NTN1: variants seen among roughly 807,000 people sequenced by gnomAD.
NTN1 encodes netrin-1.
In NTN1, 11 loss-of-function variants were observed where a neutral mutation model predicts 54.2. The observed-to-expected ratio is 0.20, with a 90% CI of 0.13 to 0.34. The LOEUF (loss-of-function observed/expected upper bound fraction) is 0.34, where lower values mean the gene tolerates loss of function less well. Among genes scored for constraint, NTN1 ranks in the 10% least tolerant of loss-of-function variants. The probability of loss-of-function intolerance (pLI) is 1.00; values close to 1 mark genes in which losing one functional copy is unlikely to be tolerated. For synonymous variants in NTN1, 371 were observed against 382.0 expected, an observed-to-expected ratio of 0.97 and a Z score of 0.33; for missense variants, 740 against 893.1, an observed-to-expected ratio of 0.83 and a Z score of 2.18.
At chr17:9,037,191 T>C (rs190218938) in intron 2 of NTN1, among the ~76,000 whole-genome samples, 8 of 152,362 alleles carry the variant, frequency 5.3e-5, no homozygotes, top group African/African-American at 9.6e-5. Context: ...TTTTGAACTT[T>C]ATGTAATTGA....
At chr17:9,119,126 T>C (rs1196819566) in intron 2 of NTN1, among the ~76,000 whole-genome samples, 1 of 152,216 alleles carries the variant, frequency 6.6e-6, no homozygotes, top group African/African-American at 2.4e-5. Flanking sequence ...GGGTTCTGGT[T>C]TCTCCACATC....
chr17:9,119,337 A>G (rs1292910229), intron 2 of NTN1, among the ~76,000 whole-genome samples: 1 of 151,854 alleles, frequency 6.6e-6, no homozygotes, highest in Non-Finnish European at 1.5e-5. Context: ...ACAGGCACAC[A>G]CCACCACTCC....
chr17:9,013,611 C>T, the NTN1 span, among the ~76,000 whole-genome samples: 3 of 152,192 alleles, frequency 2.0e-5, no homozygotes, highest in Admixed American at 6.5e-5. Context: ...AACCTGTTCC[C>T]TGGCCCATTC....
intron 2 of NTN1, among the ~76,000 whole-genome samples, chr17:9,139,896 C>T (rs564298361): frequency 6.6e-6 from 1 of 150,798 alleles, no homozygotes; most frequent in Non-Finnish European, 1.5e-5. Context: ...TTCATTCATC[C>T]ATTCATCCAT....
chr17:9,160,205 GA>G (rs1260216021), intron 2 of NTN1, among the ~76,000 whole-genome samples: 1 of 152,166 alleles, frequency 6.6e-6, no homozygotes, highest in African/African-American at 2.4e-5. Flanking sequence ...CCAGGTTCAA[GA>G]GATTCTCCTG....
At chr17:9,052,510 C>T (rs1011969756) in intron 2 of NTN1, among the ~76,000 whole-genome samples, 1 of 152,120 alleles carries the variant, frequency 6.6e-6, no homozygotes, top group East Asian at 1.9e-4. Context: ...CACACTTGCA[C>T]ATATATATGA....
In NTN1 at chr17:9,123,291, G is replaced by T. The variant is rs59586828; in HGVS notation, c.1019-39522G>T. ...TTGTCTTTGATAATTAACAAGACAG[G>T]TTGAACATTTTTCACAAGTTTATAT... On this transcript the variant is annotated intron_variant, in intron 2 of 6. Transcript: ENST00000173229. Among the ~76,000 whole-genome samples, 150 of 152,286 alleles carry T rather than the reference G, an allele frequency of 9.8e-4. 4 individuals carry two copies. The highest frequency in any genetic ancestry group is 3.5e-3 in the African/African-American group (146 of 41,568).
intron 2 of NTN1, among the ~76,000 whole-genome samples, chr17:9,072,861 A>G (rs894354684): frequency 5.9e-5 from 9 of 152,170 alleles, no homozygotes; most frequent in African/African-American, 1.9e-4. Flanking sequence ...GGAACCAGCA[A>G]AGCAGCTGCT....
intron 2 of NTN1, among the ~76,000 whole-genome samples, chr17:9,026,574 T>C (rs1437330607): frequency 6.6e-6 from 1 of 152,144 alleles, no homozygotes; most frequent in Non-Finnish European, 1.5e-5. Context: ...TACCCATGCA[T>C]GGTGGGGCTG....
rs371182969 is a variant in NTN1 at position 9,219,044 on chromosome 17, C to A, written c.1412-2124C>A. Among the ~76,000 whole-genome samples the A allele has an allele frequency of 1.3e-5, 2 of 152,148 alleles. No homozygotes were observed. The highest frequency in any genetic ancestry group is 2.9e-5 in the Non-Finnish European group (2 of 68,032). The stretch of plus-strand genomic sequence containing the variant: ...GCAGGAAGGGATTTCAGCCAGCTCA[C>A]GCAGAATCGCCAGGACTTACGCACA... On this transcript the variant is annotated intron_variant, in intron 5 of 6. Coordinates refer to ENST00000173229, the MANE Select transcript of NTN1 (RefSeq NM_004822.3). This position sits in a 1 kb window ranked among gnomAD's most constrained non-coding sequence, Gnocchi z 4.5.
At chr17:9,116,085 G>C (rs2092211146) in intron 2 of NTN1, among the ~76,000 whole-genome samples, 1 of 152,234 alleles carries the variant, frequency 6.6e-6, no homozygotes, top group South Asian at 2.1e-4. Flanking sequence ...CATCTTGCTT[G>C]GTTAACCGAA....
intron 6 of NTN1, among the ~76,000 whole-genome samples, chr17:9,238,968 A>C (rs1443253891): frequency 6.6e-6 from 1 of 152,150 alleles, no homozygotes; most frequent in African/African-American, 2.4e-5. Flanking sequence ...TCTACTAGGG[A>C]AAATACTGGC....
intron 2 of NTN1, among the ~76,000 whole-genome samples, chr17:9,106,891 T>C (rs970732501): frequency 2.0e-5 from 3 of 152,116 alleles, no homozygotes; most frequent in Admixed American, 6.6e-5. Context: ...GCACAGATCC[T>C]TTATTTTGCA....
intron 2 of NTN1, among the ~76,000 whole-genome samples, chr17:9,056,927 G>T (rs1013150434): frequency 6.6e-6 from 1 of 152,180 alleles, no homozygotes; most frequent in South Asian, 2.1e-4. Context: ...AACGCCTTTC[G>T]TGCCTGCGTG....
intron 2 of NTN1, among the ~76,000 whole-genome samples, chr17:9,049,330 A>G (rs554831441): frequency 2.0e-5 from 3 of 152,326 alleles, no homozygotes; most frequent in African/African-American, 7.2e-5. Flanking sequence ...CTTACAGTGA[A>G]GAAACCTAAA....
chr17:9,153,086 T>C (rs1262218124), intron 2 of NTN1, among the ~76,000 whole-genome samples: 1 of 152,176 alleles, frequency 6.6e-6, no homozygotes, highest in Non-Finnish European at 1.5e-5. Flanking sequence ...CTGGCCCACA[T>C]GGTGAAACCC....
At chr17:9,080,326 CCT>C (rs2092066586) in intron 2 of NTN1, among the ~76,000 whole-genome samples, 1 of 152,214 alleles carries the variant, frequency 6.6e-6, no homozygotes, top group Non-Finnish European at 1.5e-5. Flanking sequence ...GACTGGTCCT[CCT>C]TGCTGCCTTC....
chr17:9,192,790 T>C (rs985749790), intron 5 of NTN1, among the ~76,000 whole-genome samples: 1 of 152,182 alleles, frequency 6.6e-6, no homozygotes, highest in Non-Finnish European at 1.5e-5. Context: ...TTTAGAAAGC[T>C]GTTTCCTCGG....
At chr17:9,015,004 A>G in the NTN1 span, among the ~76,000 whole-genome samples, 1 of 152,240 alleles carries the variant, frequency 6.6e-6, no homozygotes, top group Non-Finnish European at 1.5e-5. Flanking sequence ...TAAAATGGAC[A>G]CAATAATATA....
Sources: allele counts gnomAD v4.1 joint callset (sites outside exome capture counted in the v4.1 genomes callset), GRCh38; gene constraint gnomAD v4.1.1; non-coding constraint Gnocchi (gnomAD v3.1); transcripts MANE v1.5; gene names NCBI Gene and HGNC (gene_info 2026-07-23, HGNC 2026-07-21).